The following NEDD9 variants were observed in gnomAD, a reference collection of about 807,000 sequenced individuals.
NEDD9 encodes the protein neural precursor cell expressed, developmentally down-regulated 9, also known as enhancer of filamentation 1.
In NEDD9, 26 loss-of-function variants were observed where a neutral mutation model predicts 76.6. The observed-to-expected ratio is 0.34, with a 90% CI of 0.25 to 0.47. The LOEUF (loss-of-function observed/expected upper bound fraction) is 0.47, where lower values mean the gene tolerates loss of function less well. NEDD9 is among the 20% of genes least tolerant of loss of function. The probability of loss-of-function intolerance (pLI) is 1.00; values close to 1 mark genes in which losing one functional copy is unlikely to be tolerated. For missense variants in NEDD9, 937 were observed against 1,058.5 expected, an observed-to-expected ratio of 0.89 and a Z score of 1.59; for synonymous variants, 392 against 414.2, an observed-to-expected ratio of 0.95 and a Z score of 0.65.
rs376497830 is a variant in NEDD9 at position 11,342,246 on chromosome 6, G to GGAGAGAGA, written c.-213-7693_-213-7686dup. Reference sequence around the variant, plus strand: ...ACGTCTATTTGGTGTCCCAGAAGGAGGAGAGAGAGAGAGAGAGCAGAAAAA... The same window carrying GGAGAGAGA: ...ACGTCTATTTGGTGTCCCAGAAGGAGGAGAGAGAGAGAGAGAGAGAGAGAGCAGAAAAA... On this transcript the variant is annotated intron_variant, in intron 1 of 3. Coordinates refer to the NEDD9 transcript ENST00000397378. Among the ~76,000 whole-genome samples the GGAGAGAGA allele has an allele frequency of 2.7e-5, 4 of 150,726 alleles. No individual in the cohort carries two copies. In the South Asian group the frequency reaches 8.4e-4, roughly 32 times the overall value.
chr6:11,232,617 G>A lies in NEDD9; in HGVS notation c.-102C>T, dbSNP rs1212480652. On this transcript the variant is annotated 5_prime_UTR_variant, in exon 1 of 7. Transcript: ENST00000379446. ...TGAGTGCAGCGCTAGATGAAAGCGA[G>A]AAGGTCCCGGGCAGAGCCGCTTGTC... 3.7e-6 allele frequency: 6 copies of A among 1,604,294 alleles called. No homozygotes were observed. In the East Asian group the frequency reaches 1.3e-4, roughly 36 times the overall value.
At chr6:11,200,649 G>A in intron 2 of NEDD9, 1 of 1,153,726 alleles carries the variant, frequency 8.7e-7, no homozygotes, top group Non-Finnish European at 1.1e-6. Context: ...CAGATAGAAA[G>A]AAATCAATCT....
chr6:11,376,949 T>C (rs555242342), intron 1 of NEDD9, among the ~76,000 whole-genome samples: 75 of 152,254 alleles, frequency 4.9e-4, no homozygotes, highest in Middle Eastern at 6.8e-3. Context: ...CAGCCTCAGC[T>C]CAAAGGGGCC....
intron 3 of NEDD9, among the ~76,000 whole-genome samples, chr6:11,242,323 C>T (rs1759724646): frequency 6.6e-6 from 1 of 152,146 alleles, no homozygotes; most frequent in Non-Finnish European, 1.5e-5. Context: ...GGCCTGGCAC[C>T]CTGTGATTTC....
chr6:11,273,377 ATTTG>A (rs1285586582), intron 3 of NEDD9, among the ~76,000 whole-genome samples: 1 of 152,240 alleles, frequency 6.6e-6, no homozygotes, highest in African/African-American at 2.4e-5. Flanking sequence ...AAAATGAACA[ATTTG>A]TTTGTAAATG....
At position 11,239,101 on chromosome 6, in the gene NEDD9, A is replaced by G. The variant is rs1759661061; in HGVS notation, c.13-25374T>C. Among the ~76,000 whole-genome samples the G allele has an allele frequency of 2.6e-5, 4 of 152,152 alleles. No individual in the cohort carries two copies. The South Asian group carries it at 6.2e-4, about 24-fold the overall frequency. Reference sequence around the variant, plus strand: ...AGGATCACTTGAGCCCAGGAGGTCAACGCTGCAGTGTGCCATGTTTGTGCC... The same window carrying G: ...AGGATCACTTGAGCCCAGGAGGTCAGCGCTGCAGTGTGCCATGTTTGTGCC... On this transcript the variant is annotated intron_variant, in intron 3 of 3. Coordinates refer to the NEDD9 transcript ENST00000397378.
At chr6:11,299,626 G>A (rs2113398225) in intron 3 of NEDD9, among the ~76,000 whole-genome samples, 1 of 152,304 alleles carries the variant, frequency 6.6e-6, no homozygotes, top group Non-Finnish European at 1.5e-5. Context: ...ACCTCAAACA[G>A]GTGAGTGCCC....
intron 3 of NEDD9, among the ~76,000 whole-genome samples, chr6:11,247,059 A>T (rs985534971): frequency 6.6e-6 from 1 of 152,174 alleles, no homozygotes; most frequent in Non-Finnish European, 1.5e-5. Flanking sequence ...CTAGAAGTCC[A>T]ATCTTCCCAT....
chr6:11,246,676 C>T (rs749745239), intron 3 of NEDD9, among the ~76,000 whole-genome samples: 1 of 152,186 alleles, frequency 6.6e-6, no homozygotes, highest in Non-Finnish European at 1.5e-5. Flanking sequence ...TTTTTCACTT[C>T]CCACCCACAG....
chr6:11,188,379 G>A (rs997307147), intron 5 of NEDD9, 72 bp from the exon 6 acceptor site: 14 of 1,247,542 alleles, frequency 1.1e-5, no homozygotes, highest in South Asian at 2.4e-5. Flanking sequence ...TTTCATTGAC[G>A]GATGAGTAAA....
At chr6:11,292,457 T>C (rs995190814) in intron 3 of NEDD9, among the ~76,000 whole-genome samples, 3 of 152,180 alleles carry the variant, frequency 2.0e-5, no homozygotes, top group African/African-American at 7.2e-5. Context: ...TTTGTTTGGT[T>C]GAAATGAAAA....
At chr6:11,287,089 T>C (rs1760665460) in intron 3 of NEDD9, among the ~76,000 whole-genome samples, 1 of 152,194 alleles carries the variant, frequency 6.6e-6, no homozygotes, top group Non-Finnish European at 1.5e-5. Context: ...TTTCAGTATG[T>C]GTAGTTTATC....
At chr6:11,270,629 C>T (rs937366738) in intron 3 of NEDD9, among the ~76,000 whole-genome samples, 1 of 152,236 alleles carries the variant, frequency 6.6e-6, no homozygotes, top group African/African-American at 2.4e-5. Context: ...AGCAGCCTCA[C>T]GTCCGCATAC....
rs1762533713 is a variant in NEDD9, at chr6:11,354,745, G to A, written c.-213-20184C>T. Among the ~76,000 whole-genome samples the A allele has an allele frequency of 2.0e-5, 3 of 152,170 alleles. No homozygotes were observed. The South Asian group carries it at 6.2e-4, about 31-fold the overall frequency. On this transcript the variant is annotated intron_variant, in intron 1 of 3. Transcript: ENST00000397378. ...GGGGTGGGTGCATGGCCACAGTCTG[G>A]ACAATCAGAGTATTCCATTGTCCTG...
chr6:11,339,771 TTCTC>T (rs1762238598), intron 1 of NEDD9, among the ~76,000 whole-genome samples: 1 of 152,308 alleles, frequency 6.6e-6, no homozygotes, highest in East Asian at 1.9e-4. Flanking sequence ...CTTGACTGGG[TTCTC>T]TCTATTTGCA....
chr6:11,330,920 C>T (rs562750879), intron 2 of NEDD9, among the ~76,000 whole-genome samples: 1 of 152,306 alleles, frequency 6.6e-6, no homozygotes, highest in Non-Finnish European at 1.5e-5. Context: ...GGGCTGTTTT[C>T]TCCGTAATCC....
At chr6:11,332,344 AG>A (rs1172891243) in intron 2 of NEDD9, among the ~76,000 whole-genome samples, 1 of 152,200 alleles carries the variant, frequency 6.6e-6, no homozygotes, top group Non-Finnish European at 1.5e-5. Context: ...TACTTCACTG[AG>A]TGTGAATTTG....
intron 1 of NEDD9, among the ~76,000 whole-genome samples, chr6:11,341,177 T>C (rs1016148610): frequency 5.9e-5 from 9 of 152,304 alleles, no homozygotes; most frequent in Admixed American, 5.9e-4. Flanking sequence ...TGTAAACAAT[T>C]AGAAAACAGG....
intron 1 of NEDD9, among the ~76,000 whole-genome samples, chr6:11,348,263 G>A (rs1472748563): frequency 6.6e-6 from 1 of 152,122 alleles, no homozygotes; most frequent in South Asian, 2.1e-4. Context: ...ACAAAACACT[G>A]CTCAAAGAAA....
Sources: gnomAD v4.1 joint callset for allele counts (sites outside exome capture counted in the v4.1 genomes callset) on GRCh38, gnomAD v4.1.1 for gene constraint, MANE v1.5 for transcripts, NCBI Gene and HGNC (gene_info 2026-07-23, HGNC 2026-07-21) for gene names.